DHRSX: variants seen among roughly 807,000 people sequenced by gnomAD.
The protein encoded by DHRSX is dehydrogenase/reductase X-linked, also known as polyprenol dehydrogenase.
Under a neutral mutation model 34.0 loss-of-function variants are expected in DHRSX, and 31 were observed. The ratio of observed to expected loss-of-function variants is 0.91; its 90% CI spans 0.69 to 1.23. DHRSX has a LOEUF of 1.23. DHRSX is among the 50% of genes most tolerant of loss of function. DHRSX has a pLI of 0.00. For missense variants in DHRSX, 414 were observed against 428.1 expected, an observed-to-expected ratio of 0.97 and a Z score of 0.29; for synonymous variants, 201 against 183.8, an observed-to-expected ratio of 1.09 and a Z score of -0.76.
At chrX:2,223,192 G>T (rs1180111677) in intron 6 of DHRSX, among the ~76,000 whole-genome samples, 1 of 151,754 alleles carries the variant, frequency 6.6e-6, no homozygotes, top group Non-Finnish European at 1.5e-5. Context: ...GAGCCAGTGG[G>T]AGGTAATTGA....
intron 3 of DHRSX, among the ~76,000 whole-genome samples, chrX:2,346,663 T>C (rs2042718060): frequency 6.6e-6 from 1 of 151,762 alleles, no homozygotes; most frequent in South Asian, 2.1e-4. Flanking sequence ...TTTGTTGTTG[T>C]TGTTTAATAC....
Position 2,221,023 on chromosome X carries a change from C to A in DHRSX, c.*18G>T. On this transcript the variant is annotated 3_prime_UTR_variant, in exon 7 of 7. Transcript: ENST00000334651. ...TGCAATGTGTTTCTTGGGGCAGCAGCTATCCTGAGACAGGATATCACAGGG... is the reference window on the plus strand; with the variant it reads ...TGCAATGTGTTTCTTGGGGCAGCAGATATCCTGAGACAGGATATCACAGGG... 1 of 1,610,336 alleles carries A rather than the reference C, an allele frequency of 6.2e-7. No homozygotes were observed. The highest frequency in any genetic ancestry group is 2.2e-5 in the East Asian group (1 of 44,872).
At chrX:2,274,758 CACGGAG>C (rs1210887460) in intron 4 of DHRSX, among the ~76,000 whole-genome samples, 6 of 152,020 alleles carry the variant, frequency 3.9e-5, no homozygotes, top group African/African-American at 1.4e-4. Flanking sequence ...ACCACAGTGT[CACGGAG>C]ACGTTTCTAG....
intron 4 of DHRSX, among the ~76,000 whole-genome samples, chrX:2,282,609 GA>G (rs1399254348): frequency 1.4e-4 from 12 of 86,796 alleles, no homozygotes; most frequent in African/African-American, 4.9e-4. Context: ...GGAGAGAGAA[GA>G]AAGAGGGGAG....
At chrX:2,234,192 T>C (rs912207271) in intron 6 of DHRSX, among the ~76,000 whole-genome samples, 16 of 151,652 alleles carry the variant, frequency 1.1e-4, no homozygotes, top group African/African-American at 3.9e-4. Context: ...CCCTGATCCA[T>C]GCACACAGCT....
intron 3 of DHRSX, among the ~76,000 whole-genome samples, chrX:2,314,237 G>A (rs868509935): frequency 4.3e-4 from 8 of 18,706 alleles, no homozygotes; most frequent in South Asian, 1.6e-3. Flanking sequence ...AAGGGAGGGA[G>A]GGAAGGAAGG....
Position 2,282,380 on chromosome X carries a change from GAC to G in DHRSX, c.388+9120_388+9121del, listed in dbSNP as rs199751126. ...AGGAGAGGGAGGAAATAAGGGGAGA[GAC>G]AGAGAAAGAGACAGAGAGAAAGAGA... On this transcript the variant is annotated intron_variant, in intron 4 of 6. Transcript: ENST00000334651. 3.6e-3 allele frequency among the ~76,000 whole-genome samples: 405 copies of G among 113,866 alleles called. 27 individuals are homozygous for G. The highest frequency in any genetic ancestry group is 6.2e-3 in the Non-Finnish European group (275 of 44,534). 74.7% of individuals were successfully genotyped at this position (113,866 alleles called of 152,430 possible).
chrX:2,293,608 A>G (rs1312254492), intron 3 of DHRSX, among the ~76,000 whole-genome samples: 1 of 152,148 alleles, frequency 6.6e-6, no homozygotes, highest in African/African-American at 2.4e-5. Flanking sequence ...CAGAGGTCAG[A>G]GACAGGAGTC....
chrX:2,444,458 T>C (rs5939353), intron 1 of DHRSX, among the ~76,000 whole-genome samples: 150,941 of 152,316 alleles, frequency 0.99, 74,790 homozygotes, highest in Middle Eastern at 1. Context: ...CAGCAAACCA[T>C]GCAGGTGAGG....
chrX:2,472,543 G>A (rs1364404121), intron 1 of DHRSX, among the ~76,000 whole-genome samples: 1 of 152,136 alleles, frequency 6.6e-6, no homozygotes, highest in Non-Finnish European at 1.5e-5. Flanking sequence ...GCCAAGATGG[G>A]TGGATCACTT....
At chrX:2,490,138 A>G (rs2045092497) in intron 1 of DHRSX, 1 of 1,613,924 alleles carries the variant, frequency 6.2e-7, no homozygotes, top group East Asian at 2.2e-5. Flanking sequence ...TGGAGATGCC[A>G]CACCAGGTGG....
chrX:2,241,524 A>G (rs1462950383), intron 6 of DHRSX, among the ~76,000 whole-genome samples: 3 of 152,118 alleles, frequency 2.0e-5, no homozygotes, highest in African/African-American at 7.2e-5. Context: ...GGAAAGACTG[A>G]TGTCTGTCAA....
In DHRSX at chrX:2,490,931, G is replaced by A. The variant is rs924366186; in HGVS notation, c.109+9886C>T. Among the ~76,000 whole-genome samples, 3 of 152,326 alleles carry A rather than the reference G, an allele frequency of 2.0e-5. 1 individual carries two copies. The highest frequency in any genetic ancestry group is 3.9e-4 in the East Asian group (2 of 5,182). Reference sequence around the variant, plus strand: ...TCCTTGCGGGTCACTTTTGCAGAGTGGAGGAGGGAACCTAGCGCAGGAATA... The same window carrying A: ...TCCTTGCGGGTCACTTTTGCAGAGTAGAGGAGGGAACCTAGCGCAGGAATA... On this transcript the variant is annotated intron_variant, in intron 1 of 6. Transcript: ENST00000334651.
At position 2,296,475 on chromosome X, in the gene DHRSX, G is replaced by C. The variant is rs756856734; in HGVS notation, c.287-4872C>G. On this transcript the variant is annotated intron_variant, in intron 3 of 6. Transcript: ENST00000334651. ...ATAGACCCGAGGCAGACAGGAATAG[G>C]ACCCAGGCAGATAGGAATAGGACCC... is the stretch of plus-strand genomic sequence containing the variant. Among the ~76,000 whole-genome samples, 3 of 151,682 alleles carry C rather than the reference G, an allele frequency of 2.0e-5. No homozygotes were observed. The South Asian group carries it at 6.2e-4, about 32-fold the overall frequency.
intron 3 of DHRSX, among the ~76,000 whole-genome samples, chrX:2,371,479 T>G (rs1359492668): frequency 7.8e-6 from 1 of 127,642 alleles, no homozygotes; most frequent in African/African-American, 3.0e-5. Flanking sequence ...CCATAGACCC[T>G]CCTCCTCCCG....
At chrX:2,304,049 ATGGATGGATGGATGGG>A (rs1474765249) in intron 3 of DHRSX, among the ~76,000 whole-genome samples, 1,557 of 122,706 alleles carry the variant, frequency 0.013, 26 homozygotes, top group Admixed American at 0.023. Flanking sequence ...GGATGGATGG[ATGGATGGATGGATGGG>A]TGGATGGATG....
In DHRSX at chrX:2,425,274, A is replaced by G. The variant is rs2043829654; in HGVS notation, c.140T>C (p.Ile47Thr). 1 of 1,613,934 alleles carries G rather than the reference A, an allele frequency of 6.2e-7. No homozygotes were observed. Among genetic ancestry groups the G allele is most frequent in the African/African-American group, 1.3e-5 (1 of 75,042 alleles). The change falls in exon 2 of 7, where the codon ATA becomes ACA. Residue 47 changes from isoleucine (I) to threonine (T), a missense_variant. By Grantham distance (89) the Ile-to-Thr change is moderately conservative. Transcript: ENST00000334651. ...AATGCCATCTGTCCCTCCCGTCACTATAGCGACACGGTCAGGTCGTGGGGG... is the reference window on the plus strand; with the variant it reads ...AATGCCATCTGTCCCTCCCGTCACTGTAGCGACACGGTCAGGTCGTGGGGG... ...VFPPRPDRVA[I>T]VTGGTDGIGY...
intron 3 of DHRSX, among the ~76,000 whole-genome samples, chrX:2,394,120 C>T (rs192778846): frequency 1.1e-4 from 16 of 152,334 alleles, no homozygotes; most frequent in South Asian, 6.2e-4. Context: ...TGGAAGGCTG[C>T]TTGTGTCCGG....
At chrX:2,247,224 C>T (rs1318785680) in intron 5 of DHRSX, among the ~76,000 whole-genome samples, 1 of 152,072 alleles carries the variant, frequency 6.6e-6, no homozygotes, top group Non-Finnish European at 1.5e-5. Flanking sequence ...GCTGGGATTA[C>T]AGGTGTGAGC....
Sources: gnomAD v4.1 joint callset for allele counts (sites outside exome capture counted in the v4.1 genomes callset) on GRCh38, gnomAD v4.1.1 for gene constraint, MANE v1.5 for transcripts, NCBI Gene and HGNC (gene_info 2026-07-23, HGNC 2026-07-21) for gene names.